The following USP24 variants were observed in gnomAD, a reference collection of about 807,000 sequenced individuals.
The protein encoded by USP24 is ubiquitin specific peptidase 24, also known as ubiquitin carboxyl-terminal hydrolase 24.
Under a neutral mutation model 361.6 loss-of-function variants are expected in USP24, and 97 were observed. The ratio of observed to expected loss-of-function variants is 0.27; its 90% CI spans 0.23 to 0.32. The LOEUF is 0.32. Among genes scored for constraint, USP24 ranks in the 10% least tolerant of loss-of-function variants. USP24 has a pLI of 1.00. For missense variants in USP24, 2,353 were observed against 3,165.6 expected, an observed-to-expected ratio of 0.74 and a Z score of 6.16; for synonymous variants, 1,098 against 1,124.6, an observed-to-expected ratio of 0.98 and a Z score of 0.47.
At chr1:55,101,856 T>A (rs192709673) in intron 42 of USP24, among the ~76,000 whole-genome samples, 153 bp from the exon 43 acceptor site, 78 of 152,360 alleles carry the variant, frequency 5.1e-4, no homozygotes, top group African/African-American at 1.8e-3. Flanking sequence ...GTTCATGAAG[T>A]ACCTCTGCAG....
At chr1:55,205,051 G>GT (rs1644670366) in intron 1 of USP24, among the ~76,000 whole-genome samples, 1 of 152,202 alleles carries the variant, frequency 6.6e-6, no homozygotes. Context: ...AGATGAGACT[G>GT]TGAGTGCAAC....
At chr1:55,102,238 T>C (rs944264877) in intron 42 of USP24, among the ~76,000 whole-genome samples, 2 of 152,180 alleles carry the variant, frequency 1.3e-5, no homozygotes, top group African/African-American at 4.8e-5. Context: ...GTAATTCCTT[T>C]TAGAGAAGGT....
At chr1:55,129,345 C>T (rs947154140) in intron 32 of USP24, 132 bp downstream of exon 32, 3 of 600,156 alleles carry the variant, frequency 5.0e-6, no homozygotes, top group African/African-American at 3.8e-5. Flanking sequence ...AAACATCATT[C>T]CTTCTTATAA....
chr1:55,138,251 C>T lies in USP24; in HGVS notation c.2929-347G>A, dbSNP rs115273540. The stretch of plus-strand genomic sequence containing the variant: ...TGCCTGGAATGTTCTCCCAAGCAAA[C>T]GTCATTTACCCTGTCACTTTACTCA... On this transcript the variant is annotated intron_variant, in intron 26 of 67. Transcript: ENST00000294383. Among the ~76,000 whole-genome samples, 768 of 152,230 alleles carry T rather than the reference C, an allele frequency of 5.0e-3. 8 individuals carry two copies. Among genetic ancestry groups the T allele is most frequent in the African/African-American group, 0.018 (735 of 41,542 alleles).
chr1:55,174,472 T>C (rs1649757508), intron 3 of USP24, among the ~76,000 whole-genome samples: 1 of 152,326 alleles, frequency 6.6e-6, no homozygotes, highest in Middle Eastern at 3.4e-3. Flanking sequence ...AACTGAATAA[T>C]ATAAGGCATG....
chr1:55,186,657 C>G (rs1644140283), intron 1 of USP24, among the ~76,000 whole-genome samples: 1 of 152,070 alleles, frequency 6.6e-6, no homozygotes, highest in African/African-American at 2.4e-5. Context: ...TGAAATAAGC[C>G]AATCACAGAA....
In USP24 at chr1:55,207,675, G is replaced by A. The variant is rs113543362; in HGVS notation, c.324+7115C>T. 2.5e-3 allele frequency among the ~76,000 whole-genome samples: 384 copies of A among 152,326 alleles called. 1 individual carries two copies. Among genetic ancestry groups the A allele is most frequent in the African/African-American group, 8.5e-3 (354 of 41,578 alleles). On this transcript the variant is annotated intron_variant, in intron 1 of 67. Coordinates refer to ENST00000294383, the MANE Select transcript of USP24 (RefSeq NM_015306.3). ...ACGGGAAGATGTGTGTAGGTTAGAT[G>A]GAAACACTAGGGACTTGAGCATGGT...
At chr1:55,116,831 C>T (rs910648843) in intron 38 of USP24, among the ~76,000 whole-genome samples, 1 of 152,206 alleles carries the variant, frequency 6.6e-6, no homozygotes, top group Non-Finnish European at 1.5e-5. Flanking sequence ...GGAGGTAATA[C>T]TTCCTGACTT....
rs770607233 is a variant in USP24 at position 55,124,506 on chromosome 1, C to A, written c.4083G>T (p.Leu1361=). ...SSQPIKESNS[L]CPAGIRNRLS... is the part of the protein sequence containing the mutation. Reference sequence around the variant, plus strand: ...GTCTGTTTCGAATTCCAGCAGGACACAGGGAATTACTTTCTTTAATTGGCT... The same window carrying A: ...GTCTGTTTCGAATTCCAGCAGGACAAAGGGAATTACTTTCTTTAATTGGCT... Residue 1361 remains leucine (L), a synonymous_variant, in exon 35 of 68, where the codon CTG becomes CTT. Transcript: ENST00000294383. 1.9e-6 allele frequency: 3 copies of A among 1,613,302 alleles called. No individual in the cohort carries two copies. In the Admixed American group the frequency reaches 5.0e-5, roughly 27 times the overall value.
At chr1:55,114,243 G>T (rs963091528) in intron 38 of USP24, among the ~76,000 whole-genome samples, 1 of 152,136 alleles carries the variant, frequency 6.6e-6, no homozygotes, top group Non-Finnish European at 1.5e-5. Flanking sequence ...AAATAAGAGA[G>T]GACACAAACA....
At chr1:55,081,810 T>G (rs537625951) in intron 58 of USP24, among the ~76,000 whole-genome samples, 2 of 152,238 alleles carry the variant, frequency 1.3e-5, no homozygotes, top group Non-Finnish European at 2.9e-5. Flanking sequence ...TAAGGCTACC[T>G]GCCACCTCCC....
intron 1 of USP24, among the ~76,000 whole-genome samples, chr1:55,181,530 G>A (rs1319856257): frequency 1.3e-5 from 2 of 152,128 alleles, no homozygotes; most frequent in African/African-American, 2.4e-5. Flanking sequence ...CTGCACACAT[G>A]TGAAATGCTT....
At position 55,114,947 on chromosome 1, in the gene USP24, A is replaced by G. The variant is rs571700133; in HGVS notation, c.4509-4701T>C. Among the ~76,000 whole-genome samples the G allele has an allele frequency of 8.6e-4, 131 of 152,258 alleles. 1 individual carries two copies. The highest frequency in any genetic ancestry group is 3.0e-3 in the African/African-American group (123 of 41,564). ...GCACAGCAAAAGAAACTATCATCAG[A>G]GTGAACAGGCAACCTATAGAATGGG... On this transcript the variant is annotated intron_variant, in intron 38 of 67. Coordinates refer to ENST00000294383, the MANE Select transcript of USP24 (RefSeq NM_015306.3).
intron 1 of USP24, among the ~76,000 whole-genome samples, chr1:55,181,185 A>C (rs1287828190): frequency 6.6e-6 from 1 of 152,244 alleles, no homozygotes; most frequent in Admixed American, 6.5e-5. Context: ...AGCAGAAATC[A>C]TAAAACACAG....
At chr1:55,199,992 C>T (rs919113068) in intron 1 of USP24, among the ~76,000 whole-genome samples, 1 of 152,126 alleles carries the variant, frequency 6.6e-6, no homozygotes, top group Non-Finnish European at 1.5e-5. Flanking sequence ...AGCGGAAACT[C>T]CTGATAAAAC....
intron 7 of USP24, 73 bp from the exon 8 acceptor site, chr1:55,162,337 T>C: frequency 2.8e-5 from 37 of 1,344,774 alleles, no homozygotes; most frequent in Non-Finnish European, 3.7e-5. Flanking sequence ...ACAAATCCCT[T>C]TTCATGTATC....
chr1:55,210,382 C>CT (rs148573578), intron 1 of USP24, among the ~76,000 whole-genome samples: 2 of 151,948 alleles, frequency 1.3e-5, no homozygotes, highest in Admixed American at 6.6e-5. Flanking sequence ...TTTAAAGGGC[C>CT]TTTTTTTATT....
At chr1:55,116,237 C>G (rs1428275541) in intron 38 of USP24, among the ~76,000 whole-genome samples, 1 of 151,424 alleles carries the variant, frequency 6.6e-6, no homozygotes, top group Non-Finnish European at 1.5e-5. Context: ...AACTTTACAC[C>G]TAAGGAACTA....
intron 3 of USP24, among the ~76,000 whole-genome samples, chr1:55,173,809 A>G: frequency 6.6e-6 from 1 of 152,218 alleles, no homozygotes; most frequent in Non-Finnish European, 1.5e-5. Flanking sequence ...GCCTGACTAT[A>G]TATTCCTCCT....
Sources: allele counts gnomAD v4.1 joint callset (sites outside exome capture counted in the v4.1 genomes callset), GRCh38; gene constraint gnomAD v4.1.1; transcripts MANE v1.5; gene names NCBI Gene and HGNC (gene_info 2026-07-23, HGNC 2026-07-21).